The following KCNIP4 variants were observed in gnomAD, a reference collection of about 807,000 sequenced individuals.
KCNIP4 encodes the protein potassium voltage-gated channel interacting protein 4, also known as Kv channel-interacting protein 4.
Under a neutral mutation model 34.0 loss-of-function variants are expected in KCNIP4, and 12 were observed. The ratio of observed to expected loss-of-function variants is 0.35; its 90% CI spans 0.23 to 0.57. KCNIP4 has a LOEUF of 0.57. Ranked by LOEUF, KCNIP4 falls within the 20% of genes least tolerant of loss-of-function variation. KCNIP4 has a pLI of 0.83. For missense variants in KCNIP4, 238 were observed against 311.7 expected, an observed-to-expected ratio of 0.76 and a Z score of 1.78; for synonymous variants, 124 against 102.2, an observed-to-expected ratio of 1.21 and a Z score of -1.29.
At chr4:21,941,529 A>C (rs1730203539) in intron 1 of KCNIP4, among the ~76,000 whole-genome samples, 1 of 152,030 alleles carries the variant, frequency 6.6e-6, no homozygotes, top group Non-Finnish European at 1.5e-5. Context: ...TTCCCTAAAG[A>C]CTTTTCATGA....
chr4:21,684,775 C>T (rs867106503), intron 1 of KCNIP4, among the ~76,000 whole-genome samples: 3 of 152,196 alleles, frequency 2.0e-5, no homozygotes, highest in South Asian at 2.1e-4. Flanking sequence ...CCCATTAACT[C>T]GTCATTTACA....
chr4:20,952,979 G>A lies in KCNIP4; in HGVS notation c.62-70270C>T, dbSNP rs115820414. ...CTCCCCCAGTCCTCTTTTAATAAGG[G>A]CACTAATCCCATTTATGGGAATGGA... On this transcript the variant is annotated intron_variant, in intron 1 of 8. Coordinates refer to ENST00000382152, the MANE Select transcript of KCNIP4 (RefSeq NM_025221.6). Among the ~76,000 whole-genome samples the A allele has an allele frequency of 2.9e-3, 436 of 152,316 alleles. 4 individuals are homozygous for A. Among genetic ancestry groups the A allele is most frequent in the Non-Finnish European group, 5.0e-3 (341 of 68,032 alleles).
chr4:21,611,755 T>C (rs955146839), intron 1 of KCNIP4, among the ~76,000 whole-genome samples: 2 of 81,492 alleles, frequency 2.5e-5, no homozygotes, highest in Non-Finnish European at 4.5e-5. Flanking sequence ...ATACATTTTT[T>C]GGAGGGGTGG....
At chr4:21,200,384 A>ATATATATATACATACATATATGTGTG (rs1756401881) in intron 1 of KCNIP4, among the ~76,000 whole-genome samples, 1 of 39,016 alleles carries the variant, frequency 2.6e-5, no homozygotes, top group African/African-American at 5.1e-4. Flanking sequence ...ATATGTGTGT[A>ATATATATATACATACATATATGTGTG]TATATATATA....
intron 1 of KCNIP4, among the ~76,000 whole-genome samples, chr4:21,293,706 T>C (rs1012626548): frequency 6.6e-6 from 1 of 152,192 alleles, no homozygotes; most frequent in African/African-American, 2.4e-5. Flanking sequence ...GAGCAGATCT[T>C]GGTATTGTGG....
intron 1 of KCNIP4, among the ~76,000 whole-genome samples, chr4:21,893,484 T>C: frequency 6.6e-6 from 1 of 152,176 alleles, no homozygotes; most frequent in Non-Finnish European, 1.5e-5. Context: ...ATGAGTAAAA[T>C]GTATAAAATC....
At chr4:21,281,027 T>C (rs1334273016) in intron 1 of KCNIP4, among the ~76,000 whole-genome samples, 1 of 152,056 alleles carries the variant, frequency 6.6e-6, no homozygotes, top group African/African-American at 2.4e-5. Flanking sequence ...TAAGATACGC[T>C]TTATCCTCTC....
intron 1 of KCNIP4, among the ~76,000 whole-genome samples, chr4:21,112,614 C>G (rs926216876): frequency 9.2e-5 from 14 of 152,180 alleles, no homozygotes; most frequent in African/African-American, 3.4e-4. Context: ...TGACTGTCTA[C>G]TGGTAAATGG....
intron 3 of KCNIP4, among the ~76,000 whole-genome samples, chr4:20,799,541 C>T (rs1578646151): frequency 6.6e-6 from 1 of 152,198 alleles, no homozygotes; most frequent in Non-Finnish European, 1.5e-5. Context: ...CTAACCTCCA[C>T]CCATCTGAGC....
At chr4:21,240,753 A>T (rs1759751005) in intron 1 of KCNIP4, among the ~76,000 whole-genome samples, 1 of 152,230 alleles carries the variant, frequency 6.6e-6, no homozygotes, top group Non-Finnish European at 1.5e-5. Context: ...CCAACTCAAA[A>T]GTACCTTCCC....
intron 1 of KCNIP4, among the ~76,000 whole-genome samples, chr4:21,374,602 G>A (rs1720801655): frequency 6.8e-6 from 1 of 147,526 alleles, no homozygotes; most frequent in Non-Finnish European, 1.5e-5. Context: ...CAGGTGAACT[G>A]TATGGTATGG....
intron 1 of KCNIP4, among the ~76,000 whole-genome samples, chr4:21,898,551 A>G (rs1194540038): frequency 1.3e-5 from 2 of 152,096 alleles, no homozygotes; most frequent in East Asian, 1.9e-4. Context: ...AAGGGAACCC[A>G]CTGCCTTGAA....
chr4:21,657,633 T>G (rs951591600), intron 1 of KCNIP4, among the ~76,000 whole-genome samples: 1 of 152,234 alleles, frequency 6.6e-6, no homozygotes, highest in African/African-American at 2.4e-5. Context: ...AGAAAAGCAC[T>G]GATCTGTTGG....
At chr4:21,663,733 T>C (rs560900290) in intron 1 of KCNIP4, among the ~76,000 whole-genome samples, 1 of 152,180 alleles carries the variant, frequency 6.6e-6, no homozygotes, top group South Asian at 2.1e-4. Flanking sequence ...GGACATCCTT[T>C]CAGCAAGTCC....
intron 1 of KCNIP4, among the ~76,000 whole-genome samples, chr4:21,355,622 T>C (rs1169269857): frequency 6.6e-6 from 1 of 152,126 alleles, no homozygotes; most frequent in Non-Finnish European, 1.5e-5. Context: ...AATCTCTGAA[T>C]AGATCAATAA....
intron 1 of KCNIP4, chr4:21,845,685 C>T (rs930618321): frequency 1.3e-5 from 2 of 151,952 alleles, no homozygotes; most frequent in African/African-American, 4.8e-5. Flanking sequence ...AAAAACTTAA[C>T]CCTTTCGATT....
At chr4:21,885,517 A>C (rs1329868704) in intron 1 of KCNIP4, among the ~76,000 whole-genome samples, 1 of 152,030 alleles carries the variant, frequency 6.6e-6, no homozygotes, top group Non-Finnish European at 1.5e-5. Flanking sequence ...TCACTTTCCC[A>C]CCAACTTCTA....
At chr4:21,449,094 C>T (rs1728290025) in intron 1 of KCNIP4, among the ~76,000 whole-genome samples, 1 of 152,146 alleles carries the variant, frequency 6.6e-6, no homozygotes, top group South Asian at 2.1e-4. Context: ...GGGGCCCAGG[C>T]CCAGAAGGTG....
At chr4:20,788,694 A>G (rs1712325030) in intron 3 of KCNIP4, among the ~76,000 whole-genome samples, 1 of 152,222 alleles carries the variant, frequency 6.6e-6, no homozygotes, top group East Asian at 1.9e-4. Flanking sequence ...GGCTCTGGTT[A>G]ATAAAACAAA....
Sources: allele counts gnomAD v4.1 joint callset (sites outside exome capture counted in the v4.1 genomes callset), GRCh38; gene constraint gnomAD v4.1.1; transcripts MANE v1.5; gene names NCBI Gene and HGNC (gene_info 2026-07-23, HGNC 2026-07-21).